MECOM: variants seen among roughly 807,000 people sequenced by gnomAD.
MECOM encodes the protein histone-lysine N-methyltransferase MECOM.
Under a neutral mutation model 116.3 loss-of-function variants are expected in MECOM, and 13 were observed. The ratio of observed to expected loss-of-function variants is 0.11; its 90% CI spans 0.07 to 0.18. The LOEUF (loss-of-function observed/expected upper bound fraction) is 0.18, where lower values mean the gene tolerates loss of function less well. Ranked by LOEUF, MECOM falls within the 10% of genes least tolerant of loss-of-function variation. The probability of loss-of-function intolerance (pLI) is 1.00; values close to 1 mark genes in which losing one functional copy is unlikely to be tolerated. For synonymous variants in MECOM, 528 were observed against 535.2 expected, an observed-to-expected ratio of 0.99 and a Z score of 0.19; for missense variants, 1,299 against 1,509.0, an observed-to-expected ratio of 0.86 and a Z score of 2.31.
At chr3:169,512,129 C>T (rs534820562) in intron 1 of MECOM, among the ~76,000 whole-genome samples, 8 of 152,248 alleles carry the variant, frequency 5.3e-5, no homozygotes, top group East Asian at 3.9e-4. Flanking sequence ...GCAATCTGTT[C>T]GACAGGCCAT....
chr3:169,432,542 T>C (rs1741819059), intron 1 of MECOM, among the ~76,000 whole-genome samples: 1 of 152,188 alleles, frequency 6.6e-6, no homozygotes, highest in Non-Finnish European at 1.5e-5. Context: ...TCTCCCTCTC[T>C]AACACACAAA....
chr3:169,637,427 G>A (rs544917544), intron 1 of MECOM, among the ~76,000 whole-genome samples: 2 of 152,192 alleles, frequency 1.3e-5, no homozygotes, highest in Non-Finnish European at 2.9e-5. Flanking sequence ...CTTGGAGACT[G>A]TGGATAGCAG....
At chr3:169,086,587 T>C in intron 16 of MECOM, 1 of 701,154 alleles carries the variant, frequency 1.4e-6, no homozygotes, top group East Asian at 2.7e-5. Context: ...ATGATAGTAA[T>C]AACAGTATTG....
At chr3:169,599,178 G>A (rs1484702494) in intron 1 of MECOM, among the ~76,000 whole-genome samples, 1 of 152,118 alleles carries the variant, frequency 6.6e-6, no homozygotes, top group Non-Finnish European at 1.5e-5. Flanking sequence ...CGATAGCGAA[G>A]AACCCTATAC....
At chr3:169,095,720 T>C (rs1451275183) in intron 12 of MECOM, among the ~76,000 whole-genome samples, 1 of 152,202 alleles carries the variant, frequency 6.6e-6, no homozygotes, top group Non-Finnish European at 1.5e-5. Flanking sequence ...GAAAATTCCA[T>C]TATCAGTTTC....
chr3:169,087,788 T>A (rs890088059), intron 16 of MECOM, among the ~76,000 whole-genome samples: 3 of 152,154 alleles, frequency 2.0e-5, no homozygotes, highest in Non-Finnish European at 4.4e-5. Flanking sequence ...GAAACTTCAT[T>A]TTTATCCCCA....
chr3:169,118,470 C>T (rs1729895628), intron 7 of MECOM, among the ~76,000 whole-genome samples: 1 of 151,952 alleles, frequency 6.6e-6, no homozygotes, highest in African/African-American at 2.4e-5. Flanking sequence ...CTGTTTGATA[C>T]ACTAATTAAA....
chr3:169,660,395 TA>T (rs1349198353), intron 1 of MECOM, among the ~76,000 whole-genome samples: 1 of 152,178 alleles, frequency 6.6e-6, no homozygotes, highest in African/African-American at 2.4e-5. Flanking sequence ...ATACAAGCCT[TA>T]CAAGTTGCAA....
At position 169,433,683 on chromosome 3, in the gene MECOM, A is replaced by AAGAAAGAAAG. The variant is rs946788070; in HGVS notation, c.38-52160_38-52159insCTTTCTTTCT. ...AAAGAAAGAAAGAAAGAAAGAAAGA[A>AAGAAAGAAAG]AGAAAGAGAAAGAAAGAAAAGAAAG... On this transcript the variant is annotated intron_variant, in intron 1 of 16. Transcript: ENST00000651503. Among the ~76,000 whole-genome samples, 21 of 150,332 alleles carry AAGAAAGAAAG rather than the reference A, an allele frequency of 1.4e-4. No individual in the cohort carries two copies. The East Asian group carries it at 3.9e-3, about 28-fold the overall frequency.
At chr3:169,607,923 C>A (rs1425904632) in intron 1 of MECOM, among the ~76,000 whole-genome samples, 1 of 152,204 alleles carries the variant, frequency 6.6e-6, no homozygotes, top group East Asian at 1.9e-4. Flanking sequence ...TAATCTACAG[C>A]CAGCTCTCTG....
chr3:169,509,345 A>G (rs1271006484), intron 1 of MECOM, among the ~76,000 whole-genome samples: 24 of 152,214 alleles, frequency 1.6e-4, no homozygotes. Context: ...GTGGTAAAAC[A>G]TATATAAGAT....
intron 1 of MECOM, among the ~76,000 whole-genome samples, chr3:169,524,224 C>G (rs573606441): frequency 8.6e-4 from 131 of 152,086 alleles, no homozygotes; most frequent in African/African-American, 2.9e-3. Flanking sequence ...TTAATGTGTA[C>G]AGGGTCCTTA....
At chr3:169,128,129 CA>C in intron 4 of MECOM, 69 bp from the exon 5 acceptor site, 2 of 1,325,258 alleles carry the variant, frequency 1.5e-6, no homozygotes, top group African/African-American at 2.9e-5. Context: ...CCAATCTTAC[CA>C]AATTTTACAA....
At chr3:169,558,724 C>T (rs1762309511) in intron 1 of MECOM, among the ~76,000 whole-genome samples, 1 of 152,088 alleles carries the variant, frequency 6.6e-6, no homozygotes, top group Non-Finnish European at 1.5e-5. Flanking sequence ...TATACTTTTC[C>T]TGATTCAGGA....
intron 1 of MECOM, among the ~76,000 whole-genome samples, chr3:169,450,447 C>T (rs1490515141): frequency 6.6e-6 from 1 of 152,050 alleles, no homozygotes; most frequent in East Asian, 1.9e-4. Flanking sequence ...CCCCTGCTGC[C>T]TCCAAGCAAA....
rs951078307 is a variant in MECOM, at chr3:169,317,385, G to GA, written c.375+63801dup. 7.3e-5 allele frequency among the ~76,000 whole-genome samples: 11 copies of GA among 150,718 alleles called. No individual in the cohort carries two copies. In the East Asian group the frequency reaches 7.8e-4, roughly 11 times the overall value. On this transcript the variant is annotated intron_variant, in intron 2 of 16. Transcript: ENST00000651503. ...TACTCAAGTTATGGTTAATATCCTT[G>GA]AAAAAAAAATCCTTTTGTCAACTGG...
At chr3:169,216,267 C>A (rs151023639) in intron 2 of MECOM, among the ~76,000 whole-genome samples, 293 of 152,278 alleles carry the variant, frequency 1.9e-3, no homozygotes, top group Non-Finnish European at 3.2e-3. Context: ...CATTTGATGT[C>A]AAAATGACGA....
intron 2 of MECOM, among the ~76,000 whole-genome samples, chr3:169,247,180 A>G (rs2149571782): frequency 6.6e-6 from 1 of 152,286 alleles, no homozygotes; most frequent in East Asian, 1.9e-4. Flanking sequence ...AAAACTACTC[A>G]CTGTATATAA....
chr3:169,167,767 A>G (rs1743813185), intron 2 of MECOM, among the ~76,000 whole-genome samples: 1 of 152,092 alleles, frequency 6.6e-6, no homozygotes, highest in Non-Finnish European at 1.5e-5. Flanking sequence ...ACATACACAG[A>G]CACTCACACA....
Sources: allele counts gnomAD v4.1 joint callset (sites outside exome capture counted in the v4.1 genomes callset), GRCh38; gene constraint gnomAD v4.1.1; transcripts MANE v1.5; gene names NCBI Gene and HGNC (gene_info 2026-07-23, HGNC 2026-07-21).